PPP1R16B: variants seen among roughly 807,000 people sequenced by gnomAD.
The protein encoded by PPP1R16B is protein phosphatase 1 regulatory inhibitor subunit 16B.
PPP1R16B carries 14 observed loss-of-function variants against 61.7 expected under a neutral mutation model. That is an observed-to-expected ratio of 0.23 (90% CI 0.15 to 0.35). The LOEUF is 0.35. Ranked by LOEUF, PPP1R16B falls within the 10% of genes least tolerant of loss-of-function variation. The pLI is 1.00. For missense variants in PPP1R16B, 547 were observed against 752.5 expected, an observed-to-expected ratio of 0.73 and a Z score of 3.19; for synonymous variants, 266 against 305.3, an observed-to-expected ratio of 0.87 and a Z score of 1.34.
chr20:38,875,117 G>A (rs1217850598), intron 2 of PPP1R16B, among the ~76,000 whole-genome samples: 1 of 152,158 alleles, frequency 6.6e-6, no homozygotes, highest in Non-Finnish European at 1.5e-5. Context: ...ATTGCTGGGA[G>A]CATCAGCAAA....
chr20:38,876,493 G>A (rs2085168044), intron 2 of PPP1R16B, among the ~76,000 whole-genome samples: 1 of 151,354 alleles, frequency 6.6e-6, no homozygotes, highest in African/African-American at 2.4e-5. Flanking sequence ...TTCATGTAAT[G>A]TTCATGTATT....
At chr20:38,822,267 T>A (rs1024989584) in intron 1 of PPP1R16B, among the ~76,000 whole-genome samples, 9 of 151,622 alleles carry the variant, frequency 5.9e-5, no homozygotes, top group Non-Finnish European at 1.3e-4. Context: ...TTCTGGGATA[T>A]TTCTCCTTAT....
chr20:38,833,857 A>C (rs1469855035), intron 1 of PPP1R16B, among the ~76,000 whole-genome samples: 2 of 152,198 alleles, frequency 1.3e-5, no homozygotes, highest in Non-Finnish European at 2.9e-5. Context: ...CAATCTGAGC[A>C]CCTGAGGATT....
At chr20:38,872,550 C>T (rs902961332) in intron 2 of PPP1R16B, among the ~76,000 whole-genome samples, 5 of 152,080 alleles carry the variant, frequency 3.3e-5, no homozygotes, top group Admixed American at 2.6e-4. Context: ...TGTTAGACAC[C>T]CCCCTCCTGC....
intron 10 of PPP1R16B, among the ~76,000 whole-genome samples, chr20:38,909,791 C>T (rs2085474589): frequency 6.6e-6 from 1 of 152,128 alleles, no homozygotes. Flanking sequence ...TCAAAGCCAC[C>T]AGCTGGTGAT....
intron 4 of PPP1R16B, among the ~76,000 whole-genome samples, chr20:38,898,835 C>CAACAACAA (rs2085369500): frequency 6.6e-6 from 1 of 151,776 alleles, no homozygotes; most frequent in South Asian, 2.1e-4. Flanking sequence ...ACAACAACAA[C>CAACAACAA]AACAACAACA....
intron 1 of PPP1R16B, among the ~76,000 whole-genome samples, chr20:38,807,967 C>T (rs554155221): frequency 2.6e-5 from 4 of 152,312 alleles, no homozygotes; most frequent in African/African-American, 4.8e-5. Flanking sequence ...TCAGACTTTG[C>T]TCTCCCTGGT....
At chr20:38,889,501 T>C in intron 2 of PPP1R16B, 94 bp from the exon 3 acceptor site, 2 of 1,108,884 alleles carry the variant, frequency 1.8e-6, no homozygotes. Context: ...ACATTCTTCA[T>C]AGGCCTGGGG....
At chr20:38,878,939 G>A (rs2085186550) in intron 2 of PPP1R16B, among the ~76,000 whole-genome samples, 1 of 152,212 alleles carries the variant, frequency 6.6e-6, no homozygotes, top group Non-Finnish European at 1.5e-5. Flanking sequence ...GAGTCAGAAA[G>A]AGGCATTCAG....
intron 2 of PPP1R16B, among the ~76,000 whole-genome samples, chr20:38,852,768 T>TTTTTGG (rs1601257219): frequency 4.8e-5 from 3 of 62,332 alleles, no homozygotes; most frequent in Non-Finnish European, 8.9e-5. Flanking sequence ...TTTTTTTTTT[T>TTTTTGG]GCGGGGGGTG....
At chr20:38,876,896 A>C (rs2085171680) in intron 2 of PPP1R16B, among the ~76,000 whole-genome samples, 1 of 152,254 alleles carries the variant, frequency 6.6e-6, no homozygotes, top group African/African-American at 2.4e-5. Flanking sequence ...ACACAAAATA[A>C]AAATCCCTGA....
intron 1 of PPP1R16B, among the ~76,000 whole-genome samples, chr20:38,832,654 C>G (rs953703667): frequency 6.6e-6 from 1 of 152,124 alleles, no homozygotes; most frequent in African/African-American, 2.4e-5. Context: ...CGCGGGGGCT[C>G]ACGCCTGTAA....
intron 1 of PPP1R16B, among the ~76,000 whole-genome samples, chr20:38,820,753 C>A (rs2084767916): frequency 6.6e-6 from 1 of 151,926 alleles, no homozygotes; most frequent in Admixed American, 6.6e-5. Flanking sequence ...AAAATTTGAG[C>A]CAGGTGCGGT....
chr20:38,851,513 T>C lies in PPP1R16B; in HGVS notation c.250+15338T>C, dbSNP rs111926326. On this transcript the variant is annotated intron_variant, in intron 2 of 10. Transcript: ENST00000299824. ...TACAAAACTTAGAAGACGATTTCTC[T>C]CTGAGGGTTAAATTACAACAAAATG... 1.1e-3 allele frequency among the ~76,000 whole-genome samples: 167 copies of C among 152,006 alleles called. 1 individual carries two copies. Among genetic ancestry groups the C allele is most frequent in the African/African-American group, 3.8e-3 (158 of 41,488 alleles).
At position 38,905,355 on chromosome 20, in the gene PPP1R16B, T is replaced by G. The variant is rs528861260; in HGVS notation, c.697-614T>G. Among the ~76,000 whole-genome samples the G allele has an allele frequency of 4.5e-4, 69 of 152,250 alleles. 1 individual carries two copies. The highest frequency in any genetic ancestry group is 1.5e-3 in the African/African-American group (62 of 41,550). On this transcript the variant is annotated intron_variant, in intron 6 of 10. Transcript: ENST00000299824. ...TCAGTTCACACACATGGCTGGCAAG[T>G]TAGTGCTGGCTGTTGGCAGGAAGCC...
intron 2 of PPP1R16B, among the ~76,000 whole-genome samples, chr20:38,849,081 T>C (rs1173329932): frequency 6.6e-6 from 1 of 152,214 alleles, no homozygotes; most frequent in Non-Finnish European, 1.5e-5. Context: ...TTTCTTGTCT[T>C]TTAGGAAAGC....
At chr20:38,906,761 C>A (rs1290346391) in intron 7 of PPP1R16B, among the ~76,000 whole-genome samples, 1 of 152,170 alleles carries the variant, frequency 6.6e-6, no homozygotes, top group Admixed American at 6.5e-5. Context: ...CTTTCTTCTC[C>A]TTCTTCTTGG....
chr20:38,827,955 C>T (rs2084814655), intron 1 of PPP1R16B, among the ~76,000 whole-genome samples: 3 of 152,194 alleles, frequency 2.0e-5, no homozygotes, highest in South Asian at 2.1e-4. Context: ...GTACAGGAAA[C>T]ACAAGGAGAA....
intron 6 of PPP1R16B, among the ~76,000 whole-genome samples, chr20:38,905,247 C>T (rs2085430690): frequency 6.6e-6 from 1 of 152,088 alleles, no homozygotes; most frequent in Non-Finnish European, 1.5e-5. Flanking sequence ...ATATTGCAAC[C>T]AAGATGTTGC....
Sources: gnomAD v4.1 joint callset for allele counts (sites outside exome capture counted in the v4.1 genomes callset) on GRCh38, gnomAD v4.1.1 for gene constraint, MANE v1.5 for transcripts, NCBI Gene and HGNC (gene_info 2026-07-23, HGNC 2026-07-21) for gene names.